Variants in SLC6A9 observed in about 807,000 individuals in gnomAD.
SLC6A9 encodes solute carrier family 6 member 9, also known as sodium- and chloride-dependent glycine transporter 1.
SLC6A9 carries 31 observed loss-of-function variants against 70.9 expected under a neutral mutation model. That is an observed-to-expected ratio of 0.44 (90% confidence interval 0.33 to 0.59). The LOEUF (loss-of-function observed/expected upper bound fraction) is 0.59. Ranked by LOEUF, SLC6A9 falls within the 20% of genes least tolerant of loss-of-function variation. SLC6A9 has a pLI of 0.04. For missense variants in SLC6A9, 631 were observed against 845.2 expected (o/e 0.75, Z 3.14); for synonymous variants, 310 against 341.3 (o/e 0.91, Z 1.01).
intron 5 of SLC6A9, among the ~76,000 whole-genome samples, chr1:44,007,319 G>A (rs557493626): frequency 2.6e-5 from 4 of 152,198 alleles, no homozygotes; most frequent in Non-Finnish European, 5.9e-5. Context: ...GCTCTGGGCT[G>A]TTCATACCTA....
In SLC6A9 at chr1:44,008,425, G is replaced by A; in HGVS notation, c.518C>T (p.Ala173Val). 6.2e-7 allele frequency: 1 copy of A among 1,614,110 alleles called. No individual in the cohort carries two copies. The highest frequency in any genetic ancestry group is 2.2e-5 in the East Asian group (1 of 44,876). The change falls in exon 5 of 14, where the codon GCC (alanine) becomes GTC (valine). Residue 173 changes from alanine to valine, a missense_variant. Ala to Val is a moderately conservative substitution (Grantham distance 64, BLOSUM62 0). Coordinates refer to ENST00000372310, the MANE Select transcript of SLC6A9 (RefSeq NM_001024845.3). Reference protein sequence around the residue: ...SNLTNGSRPAALPSNLSHLLN... With the variant: ...SNLTNGSRPAVLPSNLSHLLN... Reference sequence around the variant, plus strand: ...CAGGTGGGAGAGGTTGCTGGGCAAGGCGGCTGGCCGAGAGCCATTGGTGAG... The same window carrying A: ...CAGGTGGGAGAGGTTGCTGGGCAAGACGGCTGGCCGAGAGCCATTGGTGAG...
chr1:44,016,702 G>T (rs1280603326), intron 2 of SLC6A9: 4 of 249,422 alleles, frequency 1.6e-5, no homozygotes, highest in Admixed American at 1.2e-4. Flanking sequence ...AGACAATGAG[G>T]CTGTATTGAT....
intron 2 of SLC6A9, among the ~76,000 whole-genome samples, chr1:44,023,793 T>G (rs1009884784): frequency 6.6e-6 from 1 of 151,674 alleles, no homozygotes; most frequent in African/African-American, 2.4e-5. Flanking sequence ...GGGGAAAGGG[T>G]GGAGGGACAT....
intron 1 of SLC6A9, among the ~76,000 whole-genome samples, chr1:44,028,377 T>A (rs1047437801): frequency 6.6e-6 from 1 of 152,202 alleles, no homozygotes; most frequent in East Asian, 1.9e-4. Flanking sequence ...TGGTGGAATG[T>A]GCATCTTGAA....
At chr1:44,011,842 G>A in intron 2 of SLC6A9, 1 of 929,600 alleles carries the variant, frequency 1.1e-6, no homozygotes, top group Non-Finnish European at 1.6e-6. Context: ...GCCCCTTGTG[G>A]AACCCCAGGC....
chr1:44,030,932 G>T (rs1477619548), intron 1 of SLC6A9, among the ~76,000 whole-genome samples: 2 of 152,096 alleles, frequency 1.3e-5, no homozygotes, highest in African/African-American at 4.8e-5. Flanking sequence ...CCACGCTCTG[G>T]CTCCGGCGCT....
chr1:44,005,627 CACAGATTCTGAT>C (rs1466234780), intron 5 of SLC6A9, among the ~76,000 whole-genome samples: 1 of 152,232 alleles, frequency 6.6e-6, no homozygotes, highest in Non-Finnish European at 1.5e-5. Flanking sequence ...GCGCAACACA[CACAGATTCTGAT>C]ACAGCGACTG....
intron 2 of SLC6A9, chr1:44,017,191 G>A (rs990101427): frequency 3.9e-5 from 62 of 1,577,692 alleles, no homozygotes; most frequent in Non-Finnish European, 4.8e-5. Flanking sequence ...TCCCACTGCC[G>A]GGCTGGGCAG....
chr1:44,010,135 G>T, intron 3 of SLC6A9, 39 bp from the exon 4 acceptor site: 1 of 1,610,940 alleles, frequency 6.2e-7, no homozygotes, highest in Non-Finnish European at 8.5e-7. Flanking sequence ...GAGTGGGCTT[G>T]GAGGGATCTC....
chr1:44,021,622 C>T (rs1402177931), intron 2 of SLC6A9, among the ~76,000 whole-genome samples: 1 of 152,216 alleles, frequency 6.6e-6, no homozygotes, highest in Non-Finnish European at 1.5e-5. Flanking sequence ...GCAGCAGAAG[C>T]CACGGAGAAC....
chr1:44,012,971 T>G (rs927543982), intron 2 of SLC6A9, among the ~76,000 whole-genome samples: 4 of 151,892 alleles, frequency 2.6e-5, no homozygotes, highest in African/African-American at 4.8e-5. Flanking sequence ...CTGCTGGGGG[T>G]GGTCTATCTG....
intron 2 of SLC6A9, among the ~76,000 whole-genome samples, chr1:44,011,285 G>A (rs1324623093): frequency 6.6e-6 from 1 of 152,194 alleles, no homozygotes; most frequent in Non-Finnish European, 1.5e-5. Flanking sequence ...TGGGCACAAA[G>A]GGGCCTGTGT....
Position 44,031,287 on chromosome 1 carries a change from CT to C in SLC6A9, c.-86+18del. 6.6e-6 allele frequency: 1 copy of C among 152,526 alleles called. No individual in the cohort carries two copies. The highest frequency in any genetic ancestry group is 1.9e-4 in the East Asian group (1 of 5,166). 9.4% of individuals were successfully genotyped at this position (152,526 alleles called of 1,614,324 possible). A position where few individuals can be genotyped will look rare whatever the true frequency, so the allele number is the denominator to read the frequency against. On this transcript the variant is annotated intron_variant, in intron 1 of 13. Transcript: ENST00000372310. The stretch of plus-strand genomic sequence containing the variant: ...GACGGAGGCGCGGGCCCCAGCGTCC[CT>C]TCCCCCAGCCCCCTTACCATGCTGC...
At position 44,013,202 on chromosome 1, in the gene SLC6A9, A is replaced by G. The variant is rs1350849157; in HGVS notation, c.31-2320T>C. Among the ~76,000 whole-genome samples the G allele has an allele frequency of 6.6e-6, 1 of 152,186 alleles. No individual in the cohort carries two copies. Among genetic ancestry groups the G allele is most frequent in the Non-Finnish European group, 1.5e-5 (1 of 68,018 alleles). On this transcript the variant is annotated intron_variant, in intron 2 of 13. Coordinates refer to ENST00000372310, the MANE Select transcript of SLC6A9 (RefSeq NM_001024845.3). The surrounding 1 kb of genome is among the most constrained non-coding windows in gnomAD (Gnocchi z 5.3). The stretch of plus-strand genomic sequence containing the variant: ...GGTAAGGGCAAGGCCCTTTGCAGAG[A>G]TCCAGGTTCCCAAGGCTTGAAGATC...
intron 3 of SLC6A9, chr1:44,010,431 G>A (rs2086505247): frequency 7.9e-6 from 3 of 381,212 alleles, no homozygotes; most frequent in South Asian, 3.0e-5. Flanking sequence ...TGAACCCCAG[G>A]GAATAGAACA....
chr1:43,999,713 C>T lies in SLC6A9; in HGVS notation c.1536+1054G>A, dbSNP rs75055535. Reference sequence around the variant, plus strand: ...GGTAGAGGCCTCAGCCCTCCACGGGCCTTTATTCAGAAACATGAGCCACAG... The same window carrying T: ...GGTAGAGGCCTCAGCCCTCCACGGGTCTTTATTCAGAAACATGAGCCACAG... On this transcript the variant is annotated intron_variant, in intron 12 of 13. Transcript: ENST00000372310. Among the ~76,000 whole-genome samples the T allele has an allele frequency of 2.0e-5, 3 of 152,294 alleles. No individual in the cohort carries two copies. The East Asian group carries it at 5.8e-4, about 30-fold the overall frequency.
chr1:44,001,323 G>C (rs1395323890), intron 9 of SLC6A9, 25 bp from the exon 10 acceptor site: 1 of 1,614,046 alleles, frequency 6.2e-7, no homozygotes, highest in Admixed American at 1.7e-5. Context: ...TGTCAGATCG[G>C]AGACCTGCCC....
chr1:44,029,417 C>T (rs866452440), intron 1 of SLC6A9, among the ~76,000 whole-genome samples: 1 of 152,188 alleles, frequency 6.6e-6, no homozygotes. Flanking sequence ...TCTGCCGCCA[C>T]GTGAGACTAC....
intron 5 of SLC6A9, 24 bp downstream of exon 5, chr1:44,008,329 C>A (rs774145377): frequency 6.8e-6 from 11 of 1,611,440 alleles, no homozygotes; most frequent in African/African-American, 6.7e-5. Flanking sequence ...GTTCCCCCCA[C>A]CCCAGGTCCT....
Sources: gnomAD v4.1 joint callset for allele counts (sites outside exome capture counted in the v4.1 genomes callset) on GRCh38, gnomAD v4.1.1 for gene constraint, Gnocchi (gnomAD v3.1) non-coding constraint, MANE v1.5 for transcripts, NCBI Gene and HGNC (gene_info 2026-07-23, HGNC 2026-07-21) for gene names.